The following ST7 variants were observed in gnomAD, a reference collection of about 807,000 sequenced individuals.
ST7 encodes the protein suppressor of tumorigenicity 7 protein.
ST7 carries 28 observed loss-of-function variants against 78.7 expected under a neutral mutation model. The observed-to-expected ratio is 0.36, with a 90% CI of 0.26 to 0.49. The LOEUF is 0.49. Among genes scored for constraint, ST7 ranks in the 20% least tolerant of loss-of-function variants. ST7 has a pLI of 0.99. For missense variants in ST7, 418 were observed against 696.0 expected (o/e 0.60, Z 4.49); for synonymous variants, 247 against 249.6 (o/e 0.99, Z 0.10).
chr7:117,162,650 C>T (rs1807249418), intron 9 of ST7, among the ~76,000 whole-genome samples: 1 of 151,886 alleles, frequency 6.6e-6, no homozygotes, highest in Non-Finnish European at 1.5e-5. Flanking sequence ...CATTTTGCTA[C>T]AGTCTGCCAA....
At chr7:117,199,415 T>A (rs1810614044) in intron 12 of ST7, among the ~76,000 whole-genome samples, 1 of 152,134 alleles carries the variant, frequency 6.6e-6, no homozygotes, top group South Asian at 2.1e-4. Flanking sequence ...AATTCGTCCA[T>A]TTTCTCCCTC....
At chr7:117,199,903 C>T (rs1259218026) in intron 12 of ST7, among the ~76,000 whole-genome samples, 6 of 152,196 alleles carry the variant, frequency 3.9e-5, no homozygotes. Flanking sequence ...AAACATTCTC[C>T]AAGTGTGCAG....
chr7:117,162,785 G>T (rs541324574), intron 9 of ST7, among the ~76,000 whole-genome samples: 1 of 152,170 alleles, frequency 6.6e-6, no homozygotes, highest in Non-Finnish European at 1.5e-5. Flanking sequence ...CTTAAGGCCT[G>T]TGGGCCAAAT....
chr7:117,184,181 G>T (rs2117346683), intron 10 of ST7: 1 of 152,368 alleles, frequency 6.6e-6, no homozygotes, highest in South Asian at 2.1e-4. Context: ...ATTAATGCCA[G>T]CAGTTCAGCT....
At position 117,179,950 on chromosome 7, in the gene ST7, A is replaced by G. The variant is rs114460312; in HGVS notation, c.1078+8974A>G. 3.5e-3 allele frequency among the ~76,000 whole-genome samples: 533 copies of G among 152,296 alleles called. 5 individuals carry two copies. Among genetic ancestry groups the G allele is most frequent in the African/African-American group, 0.012 (512 of 41,568 alleles). Reference sequence around the variant, plus strand: ...GAGGTGACCTCTGACACTATAGTGGAGCACATTCTGTCCTGGAGGGAGACA... The same window carrying G: ...GAGGTGACCTCTGACACTATAGTGGGGCACATTCTGTCCTGGAGGGAGACA... On this transcript the variant is annotated intron_variant, in intron 10 of 15. Coordinates refer to ENST00000323984, the MANE Select transcript of ST7 (RefSeq NM_001369598.1).
chr7:117,214,116 T>C (rs1051519788), intron 13 of ST7, among the ~76,000 whole-genome samples: 1 of 152,228 alleles, frequency 6.6e-6, no homozygotes, highest in Non-Finnish European at 1.5e-5. Flanking sequence ...GGCTGTGTTT[T>C]GGCTGTATTT....
intron 12 of ST7, among the ~76,000 whole-genome samples, chr7:117,197,754 C>A (rs1342324463): frequency 6.6e-6 from 1 of 152,140 alleles, no homozygotes; most frequent in Non-Finnish European, 1.5e-5. Flanking sequence ...AACATTATAA[C>A]AACAGAGCAA....
chr7:117,114,595 T>A (rs117376596), intron 2 of ST7, among the ~76,000 whole-genome samples: 1 of 152,326 alleles, frequency 6.6e-6, no homozygotes, highest in East Asian at 1.9e-4. Flanking sequence ...CTTAGCCAGT[T>A]TCAAGCTTTG....
At chr7:117,191,308 T>TAA (rs750152233) in intron 12 of ST7, among the ~76,000 whole-genome samples, 2 of 149,324 alleles carry the variant, frequency 1.3e-5, no homozygotes, top group Non-Finnish European at 1.5e-5. Flanking sequence ...ATAAAACTGG[T>TAA]AAAAAAAAAA....
chr7:117,095,139 T>C (rs1800927806), intron 1 of ST7, among the ~76,000 whole-genome samples: 1 of 152,216 alleles, frequency 6.6e-6, no homozygotes, highest in Non-Finnish European at 1.5e-5. Flanking sequence ...CTGGGTTATA[T>C]GCCTGCTCTG....
chr7:117,127,762 C>T (rs922957416), intron 3 of ST7, among the ~76,000 whole-genome samples: 1 of 151,856 alleles, frequency 6.6e-6, no homozygotes. Context: ...GTTTGCTGCA[C>T]CCCCTGCTGG....
intron 1 of ST7, among the ~76,000 whole-genome samples, chr7:116,974,408 C>T (rs1793595767): frequency 6.6e-6 from 1 of 151,914 alleles, no homozygotes; most frequent in South Asian, 2.1e-4. Flanking sequence ...CTTCCTGCCT[C>T]AGCCTCCCAA....
intron 1 of ST7, among the ~76,000 whole-genome samples, chr7:117,061,054 T>C (rs1424149440): frequency 6.6e-6 from 1 of 152,054 alleles, no homozygotes; most frequent in East Asian, 1.9e-4. Context: ...AATGGGAAAA[T>C]AAATCCAATT....
intron 15 of ST7, chr7:117,222,856 T>C (rs2116190024): frequency 6.2e-7 from 1 of 1,612,352 alleles, no homozygotes; most frequent in East Asian, 2.2e-5. Context: ...TTAATCCCTT[T>C]CCAGATGATT....
chr7:117,163,181 T>C (rs544830685), intron 9 of ST7, among the ~76,000 whole-genome samples: 2 of 152,342 alleles, frequency 1.3e-5, no homozygotes, highest in East Asian at 3.9e-4. Context: ...TCATCTGTTG[T>C]TGGACACCTG....
chr7:116,995,539 G>A (rs1794614918), intron 1 of ST7, among the ~76,000 whole-genome samples: 1 of 152,202 alleles, frequency 6.6e-6, no homozygotes, highest in Non-Finnish European at 1.5e-5. Flanking sequence ...CCCATGGGAA[G>A]CAATCCTGAG....
chr7:117,137,027 C>T, intron 8 of ST7: 1 of 152,066 alleles, frequency 6.6e-6, no homozygotes, highest in Non-Finnish European at 1.5e-5. Context: ...ATGGTCCAAC[C>T]AAAATTTGAG....
chr7:116,984,143 GTC>G lies in ST7; in HGVS notation c.151+30454_151+30455del, dbSNP rs1554421701. Among the ~76,000 whole-genome samples, 1,475 of 151,640 alleles carry G rather than the reference GTC, an allele frequency of 9.7e-3. 32 individuals carry two copies. The highest frequency in any genetic ancestry group is 0.034 in the African/African-American group (1,389 of 41,232). ...TGTGTGTGTGTGTGTGTGTGTGTGT[GTC>G]TATCTGTCTGAGAAAGAAGAGAAAC... On this transcript the variant is annotated intron_variant, in intron 1 of 15. Coordinates refer to ENST00000323984, the MANE Select transcript of ST7 (RefSeq NM_001369598.1).
chr7:117,169,118 TC>T (rs200377962), intron 9 of ST7, among the ~76,000 whole-genome samples: 16,960 of 150,584 alleles, frequency 0.11, 2,010 homozygotes, highest in African/African-American at 0.28. Context: ...GATTTTACCT[TC>T]TTTTTTTAAT....
Sources: gnomAD v4.1 joint callset for allele counts (sites outside exome capture counted in the v4.1 genomes callset) on GRCh38, gnomAD v4.1.1 for gene constraint, MANE v1.5 for transcripts, NCBI Gene and HGNC (gene_info 2026-07-23, HGNC 2026-07-21) for gene names.